The following XKRX variants were observed in gnomAD, a reference collection of about 807,000 sequenced individuals.
XKRX encodes XK related X-linked, also known as XK-related protein 2.
XKRX carries 11 observed loss-of-function variants against 22.4 expected under a neutral mutation model. The observed-to-expected ratio is 0.49, with a 90% confidence interval of 0.31 to 0.81. The LOEUF (loss-of-function observed/expected upper bound fraction) is 0.81, where lower values mean the gene tolerates loss of function less well. Among genes scored for constraint, XKRX ranks in the 40% least tolerant of loss-of-function variants. The probability of loss-of-function intolerance (pLI) is 0.05; values close to 1 mark genes in which losing one functional copy is unlikely to be tolerated. For synonymous variants in XKRX, 114 were observed against 132.2 expected, an observed-to-expected ratio of 0.86 and a Z score of 0.94; for missense variants, 320 against 336.5, an observed-to-expected ratio of 0.95 and a Z score of 0.38.
chrX:100,937,338 G>A, the XKRX span, among the ~76,000 whole-genome samples: 1 of 111,451 alleles, frequency 9.0e-6, no homozygotes, highest in Admixed American at 9.6e-5. Flanking sequence ...AACTGTACAC[G>A]ACCTGGAATT....
chrX:100,889,262 GAAAAAGA>G, the XKRX span, among the ~76,000 whole-genome samples: 1 of 105,625 alleles, frequency 9.5e-6, no homozygotes, highest in Admixed American at 1.0e-4. Flanking sequence ...AAAAGAAAAA[GAAAAAGA>G]AAAAAGAAAA....
At chrX:100,950,251 T>C in the XKRX span, among the ~76,000 whole-genome samples, 1 of 112,042 alleles carries the variant, frequency 8.9e-6, no homozygotes, top group Admixed American at 9.5e-5. Flanking sequence ...ATGTTGACAG[T>C]AGAAGACTGT....
At chrX:100,917,696 AAGAAAGAAAGAAAGAAAGAAAG>A (rs1395277648) in intron 2 of XKRX, among the ~76,000 whole-genome samples, 11 of 103,290 alleles carry the variant, frequency 1.1e-4, no homozygotes, top group African/African-American at 3.3e-4. Flanking sequence ...GAAAGAAAGA[AAGAAAGAAAGAAAGAAAGAAAG>A]AAAGAAATCC....
At chrX:100,904,904 A>C in the XKRX span, among the ~76,000 whole-genome samples, 1 of 112,475 alleles carries the variant, frequency 8.9e-6, no homozygotes, top group South Asian at 3.7e-4. Flanking sequence ...GCAGGGAACC[A>C]TATAGAGAAG....
the XKRX span, among the ~76,000 whole-genome samples, chrX:100,934,997 CAG>C: frequency 0.075 from 8,199 of 109,545 alleles, 313 homozygotes; most frequent in Admixed American, 0.13. Flanking sequence ...CAGAGAGAGA[CAG>C]AGAGAGAGAG....
At chrX:100,935,967 A>G in the XKRX span, among the ~76,000 whole-genome samples, 4 of 109,565 alleles carry the variant, frequency 3.7e-5, no homozygotes, top group Non-Finnish European at 7.6e-5. Flanking sequence ...TTGAGTCATC[A>G]TGTAGTCCAG....
the XKRX span, among the ~76,000 whole-genome samples, chrX:100,896,752 C>T: frequency 9.0e-6 from 1 of 111,495 alleles, no homozygotes; most frequent in African/African-American, 3.3e-5. Context: ...ATTGTTTGAG[C>T]CCGGGAGTTT....
At chrX:100,921,824 CTTTTTTT>C (rs769704465) in intron 2 of XKRX, among the ~76,000 whole-genome samples, 1 of 56,341 alleles carries the variant, frequency 1.8e-5, no homozygotes, top group Non-Finnish European at 3.1e-5. Flanking sequence ...TAACCCCACG[CTTTTTTT>C]TTTTTTTTTT....
the XKRX span, among the ~76,000 whole-genome samples, chrX:100,940,406 G>A: frequency 1.3e-4 from 15 of 111,415 alleles, no homozygotes; most frequent in Admixed American, 1.3e-3. Context: ...TGGCCTGCAG[G>A]GAAATTTTAG....
the XKRX span, among the ~76,000 whole-genome samples, chrX:100,898,355 G>A: frequency 9.2e-6 from 1 of 109,020 alleles, no homozygotes; most frequent in Admixed American, 9.9e-5. Context: ...GATCTGTCTG[G>A]TGACTCCCTG....
chrX:100,953,410 T>A, the XKRX span, among the ~76,000 whole-genome samples: 1 of 111,786 alleles, frequency 8.9e-6, no homozygotes, highest in Non-Finnish European at 1.9e-5. Flanking sequence ...GGCATAAATC[T>A]TCATGAACTT....
chrX:100,944,583 G>A, the XKRX span, among the ~76,000 whole-genome samples: 3 of 111,846 alleles, frequency 2.7e-5, no homozygotes, highest in East Asian at 2.8e-4. Context: ...GGCTGTTCTC[G>A]AACTCCTGAC....
chrX:100,918,381 T>G lies in XKRX; in HGVS notation c.605-3298A>C, dbSNP rs1393116967. Reference sequence around the variant, plus strand: ...CAAGAGCTGATGCACCTTATGTAACTGGGAATGTGAGAGCATACATCCAGC... The same window carrying G: ...CAAGAGCTGATGCACCTTATGTAACGGGGAATGTGAGAGCATACATCCAGC... On this transcript the variant is annotated intron_variant, in intron 2 of 2. Transcript: ENST00000372956. Among the ~76,000 whole-genome samples the G allele has an allele frequency of 2.7e-5, 3 of 111,876 alleles. No individual in the cohort carries two copies. In the East Asian group the frequency reaches 8.4e-4, roughly 31 times the overall value.
intron 1 of XKRX, among the ~76,000 whole-genome samples, chrX:100,923,263 C>T (rs1235970618): frequency 2.7e-5 from 3 of 112,043 alleles, no homozygotes; most frequent in Middle Eastern, 4.6e-3. Flanking sequence ...ATGATCCTCC[C>T]ACCTCAGCCT....
At chrX:100,931,332 A>G (rs760000380), upstream of XKRX, among the ~76,000 whole-genome samples, 173 of 110,182 alleles carry the variant, frequency 1.6e-3, no homozygotes, top group Non-Finnish European at 2.6e-3. Context: ...TCAAGGCTCT[A>G]TATAATCATC....
the XKRX span, among the ~76,000 whole-genome samples, chrX:100,945,068 ATT>A: frequency 1.8e-5 from 2 of 109,530 alleles, no homozygotes; most frequent in Non-Finnish European, 3.8e-5. Context: ...TGCTTCTCAA[ATT>A]TTCTTTTGTT....
the XKRX span, among the ~76,000 whole-genome samples, chrX:100,948,266 T>C: frequency 9.0e-6 from 1 of 111,371 alleles, no homozygotes; most frequent in Non-Finnish European, 1.9e-5. Flanking sequence ...AAAATACAGG[T>C]AAGTAACAAA....
chrX:100,927,986 A>G lies in XKRX; in HGVS notation c.319T>C (p.Leu107=). 8.3e-7 allele frequency: 1 copy of G among 1,199,230 alleles called. No homozygotes were observed. Among genetic ancestry groups the G allele is most frequent in the South Asian group, 1.9e-5 (1 of 53,759 alleles). The change falls in exon 1 of 3, where the codon TTG becomes CTG. Residue 107 remains leucine (L), a synonymous_variant. Transcript: ENST00000372956. The part of the protein sequence containing the change: ...PLSLFMHLIL[L]GPVIRCLEAM... ...GTTGCTCACCTGATAACAGGTCCCAAGAGGATTAGATGCATAAATAATGAT... is the reference window on the plus strand; with the variant it reads ...GTTGCTCACCTGATAACAGGTCCCAGGAGGATTAGATGCATAAATAATGAT...
the XKRX span, among the ~76,000 whole-genome samples, chrX:100,938,297 G>T: frequency 9.0e-6 from 1 of 110,986 alleles, no homozygotes; most frequent in East Asian, 2.8e-4. Context: ...CAGCAGTGTG[G>T]TATAGTACAA....
Sources: gnomAD v4.1 joint callset for allele counts (sites outside exome capture counted in the v4.1 genomes callset) on GRCh38, gnomAD v4.1.1 for gene constraint, MANE v1.5 for transcripts, NCBI Gene and HGNC (gene_info 2026-07-23, HGNC 2026-07-21) for gene names.